SHCBP1: variants seen among roughly 807,000 people sequenced by gnomAD.
SHCBP1 encodes the protein SHC binding and spindle associated 1, also known as SHC SH2 domain-binding protein 1.
In SHCBP1, 60 loss-of-function variants were observed where a neutral mutation model predicts 75.1. That is an observed-to-expected ratio of 0.80 (90% CI 0.65 to 0.99). The LOEUF is 0.99. SHCBP1 is among the 50% of genes least tolerant of loss of function. SHCBP1 has a pLI of 0.00. For missense variants in SHCBP1, 709 were observed against 809.4 expected (o/e 0.88, Z 1.50); for synonymous variants, 290 against 293.2 (o/e 0.99, Z 0.11).
In SHCBP1 at chr16:46,616,198, G is replaced by T. The variant is rs1965497144; in HGVS notation, c.388-44C>A. 6.3e-7 allele frequency: 1 copy of T among 1,580,102 alleles called. No homozygotes were observed. The highest frequency in any genetic ancestry group is 8.6e-7 in the Non-Finnish European group (1 of 1,157,776). ...TGACTTAACACATGGAAATCAAAAT[G>T]AAGATACACCTATAAGACACTACTG... On this transcript the variant is annotated intron_variant, in intron 3 of 12. Coordinates refer to ENST00000303383, the MANE Select transcript of SHCBP1 (RefSeq NM_024745.5). The surrounding 1 kb of genome is among the most constrained non-coding windows in gnomAD (Gnocchi z 4.4).
chr16:46,603,401 T>C (rs1965273426), intron 8 of SHCBP1, 138 bp downstream of exon 8: 1 of 1,228,692 alleles, frequency 8.1e-7, no homozygotes. Flanking sequence ...GCTTTCCATG[T>C]CCTTAATGTT....
At chr16:46,609,120 G>A (rs751682756) in intron 4 of SHCBP1, among the ~76,000 whole-genome samples, 9 of 152,130 alleles carry the variant, frequency 5.9e-5, no homozygotes, top group East Asian at 3.9e-4. Flanking sequence ...ATAAGATCAC[G>A]TAAGGACATA....
rs1460333854 is a variant in SHCBP1 at position 46,582,068 on chromosome 16, C to T, written c.1694-14G>A. ...GCGCTTTATTTTCTGGAGAAACAAA[C>T]AAATAATAACAAAGTTAAATATACA... On this transcript the variant is annotated splice_polypyrimidine_tract_variant and intron_variant, in intron 12 of 12. Transcript: ENST00000303383. 1.3e-6 allele frequency: 2 copies of T among 1,581,154 alleles called. No individual in the cohort carries two copies. The highest frequency in any genetic ancestry group is 1.7e-6 in the Non-Finnish European group (2 of 1,167,868).
intron 5 of SHCBP1, among the ~76,000 whole-genome samples, chr16:46,607,352 T>C (rs1010190565): frequency 2.6e-5 from 4 of 152,136 alleles, no homozygotes; most frequent in African/African-American, 9.7e-5. Context: ...AGAGCTTGTC[T>C]CAAAAAAGTT....
At chr16:46,609,442 C>CTTTTTTTTTT (rs71158875) in intron 4 of SHCBP1, among the ~76,000 whole-genome samples, 3 of 61,334 alleles carry the variant, frequency 4.9e-5, no homozygotes, top group Admixed American at 2.8e-4. Context: ...CTTTTCTTTT[C>CTTTTTTTTTT]TTTTTTTTTT....
chr16:46,583,724 T>C (rs1964907587), intron 11 of SHCBP1, 67 bp from the exon 12 acceptor site: 2 of 1,533,158 alleles, frequency 1.3e-6, no homozygotes, highest in African/African-American at 1.4e-5. Flanking sequence ...AAAAATCTTC[T>C]TTATTCACAC....
chr16:46,606,952 C>G (rs964204123), intron 5 of SHCBP1, among the ~76,000 whole-genome samples: 6 of 152,096 alleles, frequency 3.9e-5, no homozygotes, highest in Admixed American at 6.6e-5. Context: ...TCCCCAGCAG[C>G]TGGGACTAGA....
At chr16:46,586,785 A>G (rs1228010534) in intron 10 of SHCBP1, among the ~76,000 whole-genome samples, 1 of 152,192 alleles carries the variant, frequency 6.6e-6, no homozygotes, top group Non-Finnish European at 1.5e-5. Flanking sequence ...CAGATGAAAG[A>G]CACACAGTAT....
intron 10 of SHCBP1, among the ~76,000 whole-genome samples, chr16:46,586,650 G>A (rs578147013): frequency 6.6e-6 from 1 of 152,210 alleles, no homozygotes; most frequent in African/African-American, 2.4e-5. Context: ...AGAAATCCAC[G>A]CCAACATACA....
At chr16:46,589,935 G>T (rs2142998273) in intron 10 of SHCBP1, among the ~76,000 whole-genome samples, 1 of 152,302 alleles carries the variant, frequency 6.6e-6, no homozygotes, top group African/African-American at 2.4e-5. Context: ...CAAGACTACA[G>T]TAACCAAAAC....
intron 10 of SHCBP1, among the ~76,000 whole-genome samples, chr16:46,586,216 A>T (rs1964952752): frequency 6.6e-6 from 1 of 152,248 alleles, no homozygotes; most frequent in South Asian, 2.1e-4. Context: ...TTCAATAAGC[A>T]ATTATGAACA....
At chr16:46,596,671 G>A (rs1165667067) in intron 9 of SHCBP1, among the ~76,000 whole-genome samples, 1 of 151,722 alleles carries the variant, frequency 6.6e-6, no homozygotes, top group Admixed American at 6.6e-5. Flanking sequence ...ACCCGCCTCA[G>A]CCTCCCAAAG....
At chr16:46,599,445 C>A (rs1400445475) in intron 9 of SHCBP1, among the ~76,000 whole-genome samples, 2 of 151,886 alleles carry the variant, frequency 1.3e-5, no homozygotes, top group African/African-American at 2.4e-5. Context: ...ACAGTCAAAA[C>A]CCACACAATT....
At chr16:46,584,221 G>A in intron 10 of SHCBP1, 132 bp from the exon 11 acceptor site, 3 of 521,394 alleles carry the variant, frequency 5.8e-6, no homozygotes, top group Non-Finnish European at 9.7e-6. Flanking sequence ...TTACAGATAA[G>A]TTTTACCAGC....
chr16:46,595,486 CAT>C, intron 10 of SHCBP1, 64 bp downstream of exon 10: 1 of 1,241,404 alleles, frequency 8.1e-7, no homozygotes, highest in Non-Finnish European at 1.2e-6. Flanking sequence ...ATCTTGGTCC[CAT>C]ATTTCATATA....
intron 5 of SHCBP1, among the ~76,000 whole-genome samples, chr16:46,607,966 T>C (rs139532646): frequency 6.6e-6 from 1 of 152,360 alleles, no homozygotes; most frequent in African/African-American, 2.4e-5. Flanking sequence ...AACCCACTAG[T>C]TCAATGTTCA....
intron 9 of SHCBP1, among the ~76,000 whole-genome samples, chr16:46,597,019 C>G (rs1312286413): frequency 1.3e-5 from 2 of 152,162 alleles, no homozygotes; most frequent in Non-Finnish European, 2.9e-5. Flanking sequence ...TGAGCCACCA[C>G]GCCCAGCTTC....
chr16:46,585,791 T>C (rs759148028), intron 10 of SHCBP1, among the ~76,000 whole-genome samples: 7 of 152,164 alleles, frequency 4.6e-5, no homozygotes, highest in Non-Finnish European at 7.4e-5. Context: ...CTTTCACCAT[T>C]GCCCACTGGT....
intron 5 of SHCBP1, among the ~76,000 whole-genome samples, chr16:46,605,894 T>C (rs528742001): frequency 3.3e-5 from 5 of 151,012 alleles, no homozygotes; most frequent in African/African-American, 1.2e-4. Context: ...GTAAGTGAAT[T>C]AGGTGAAGCT....
Sources: gnomAD v4.1 joint callset for allele counts (sites outside exome capture counted in the v4.1 genomes callset) on GRCh38, gnomAD v4.1.1 for gene constraint, Gnocchi (gnomAD v3.1) non-coding constraint, MANE v1.5 for transcripts, NCBI Gene and HGNC (gene_info 2026-07-23, HGNC 2026-07-21) for gene names.